Variants in SLCO2A1 observed in about 807,000 individuals in gnomAD.
The protein encoded by SLCO2A1 is solute carrier organic anion transporter family member 2A1.
Under a neutral mutation model 71.7 loss-of-function variants are expected in SLCO2A1, and 60 were observed. The observed-to-expected ratio is 0.84, with a 90% CI of 0.68 to 1.04. SLCO2A1 has a LOEUF of 1.04. Ranked by LOEUF, SLCO2A1 falls within the 50% of genes least tolerant of loss-of-function variation. SLCO2A1 has a pLI of 0.00. For missense variants in SLCO2A1, 745 were observed against 813.4 expected (o/e 0.92, Z 1.02); for synonymous variants, 308 against 326.7 (o/e 0.94, Z 0.62).
At chr3:133,998,530 C>G (rs1054482111) in intron 1 of SLCO2A1, 1 of 152,358 alleles carries the variant, frequency 6.6e-6, no homozygotes, top group Non-Finnish European at 1.5e-5. Context: ...AGGGTTCTGA[C>G]TGTTCATGTC....
intron 12 of SLCO2A1, among the ~76,000 whole-genome samples, chr3:133,937,454 G>A (rs1933295599): frequency 6.6e-6 from 1 of 152,208 alleles, no homozygotes; most frequent in African/African-American, 2.4e-5. Context: ...GCCTGGGACT[G>A]GATTGGGCTC....
At chr3:133,963,154 C>A (rs115938541) in intron 3 of SLCO2A1, among the ~76,000 whole-genome samples, 2,660 of 152,274 alleles carry the variant, frequency 0.017, 26 homozygotes, top group Middle Eastern at 0.054. Context: ...ACTCACTCCA[C>A]CATTTAAATA....
chr3:133,945,556 C>A (rs1460542266), intron 9 of SLCO2A1, among the ~76,000 whole-genome samples: 4 of 152,194 alleles, frequency 2.6e-5, no homozygotes, highest in Admixed American at 6.5e-5. Flanking sequence ...TCAAGACAAC[C>A]AACCACCCAG....
At chr3:133,975,907 C>G (rs1215997194) in intron 2 of SLCO2A1, among the ~76,000 whole-genome samples, 1 of 152,222 alleles carries the variant, frequency 6.6e-6, no homozygotes, top group Non-Finnish European at 1.5e-5. Context: ...GACTCTCTCT[C>G]TTCATTGCAC....
intron 1 of SLCO2A1, among the ~76,000 whole-genome samples, chr3:134,002,817 C>A (rs1437321230): frequency 6.6e-6 from 1 of 152,216 alleles, no homozygotes; most frequent in Non-Finnish European, 1.5e-5. Flanking sequence ...TAACCTAAAT[C>A]TTTCCTTGTT....
chr3:133,944,891 G>C (rs1417387206), intron 10 of SLCO2A1, among the ~76,000 whole-genome samples: 1 of 152,256 alleles, frequency 6.6e-6, no homozygotes, highest in Admixed American at 6.5e-5. Flanking sequence ...TTAATTGACT[G>C]TGGGCTGTCA....
intron 3 of SLCO2A1, among the ~76,000 whole-genome samples, chr3:133,960,664 T>C (rs182792206): frequency 6.6e-6 from 1 of 152,250 alleles, no homozygotes; most frequent in Admixed American, 6.5e-5. Context: ...CGTACCTTAA[T>C]GCCACTGAAC....
Position 134,002,892 on chromosome 3 carries a change from C to G in SLCO2A1, c.97-23274G>C, listed in dbSNP as rs183874544. On this transcript the variant is annotated intron_variant, in intron 1 of 13. Transcript: ENST00000310926. Reference sequence around the variant, plus strand: ...AAATCTATTGCATAAAACAGCGCAGCTAAAAAAAAAAGTCTTTCTCTGGGG... The same window carrying G: ...AAATCTATTGCATAAAACAGCGCAGGTAAAAAAAAAAGTCTTTCTCTGGGG... Among the ~76,000 whole-genome samples the G allele has an allele frequency of 1.5e-3, 230 of 151,938 alleles. 2 individuals carry two copies. The highest frequency in any genetic ancestry group is 7.7e-4 in the Non-Finnish European group (52 of 67,904).
intron 3 of SLCO2A1, among the ~76,000 whole-genome samples, chr3:133,966,494 G>C (rs57983185): frequency 6.6e-6 from 1 of 152,196 alleles, no homozygotes; most frequent in Non-Finnish European, 1.5e-5. Flanking sequence ...CCCAGGCCAA[G>C]AAGAGGCCAG....
chr3:134,018,039 A>C (rs1935496895), intron 1 of SLCO2A1, among the ~76,000 whole-genome samples: 1 of 152,198 alleles, frequency 6.6e-6, no homozygotes, highest in African/African-American at 2.4e-5. Flanking sequence ...ACCAGAAGAC[A>C]AACTGAAAGC....
chr3:133,999,365 T>C (rs1019814020), intron 1 of SLCO2A1, among the ~76,000 whole-genome samples: 1 of 152,188 alleles, frequency 6.6e-6, no homozygotes, highest in Non-Finnish European at 1.5e-5. Context: ...TGTGTGAGTA[T>C]GGGTGGGTGT....
chr3:133,998,236 T>C (rs1935020867), intron 1 of SLCO2A1, among the ~76,000 whole-genome samples: 1 of 152,230 alleles, frequency 6.6e-6, no homozygotes, highest in African/African-American at 2.4e-5. Flanking sequence ...TGCTTATCCT[T>C]TTCTGGCTCT....
At chr3:133,979,106 C>G (rs1055684213) in intron 2 of SLCO2A1, among the ~76,000 whole-genome samples, 7 of 152,218 alleles carry the variant, frequency 4.6e-5, no homozygotes, top group Admixed American at 3.3e-4. Context: ...TTGCACAGAA[C>G]TAAATTAGAA....
At chr3:133,981,852 G>A (rs1559945120) in intron 1 of SLCO2A1, among the ~76,000 whole-genome samples, 1 of 152,074 alleles carries the variant, frequency 6.6e-6, no homozygotes, top group Non-Finnish European at 1.5e-5. Flanking sequence ...GCACATGCCT[G>A]TAATCCCAGC....
In SLCO2A1 at chr3:133,935,868, G is replaced by C. The variant is rs897770458; in HGVS notation, c.1720C>G (p.Leu574Val). 1 of 1,607,552 alleles carries C rather than the reference G, an allele frequency of 6.2e-7. No individual in the cohort carries two copies. The highest frequency in any genetic ancestry group is 8.5e-7 in the Non-Finnish European group (1 of 1,176,352). ...CGGATGCAGGAGTGGTCAATGGTGA[G>C]GCCATAGAGGGCTGGAGATGGCAGC... ...AWLPSPALYGLTIDHSCIRWN... is the reference protein window; with the variant it reads ...AWLPSPALYGVTIDHSCIRWN... Residue 574 changes from leucine (L) to valine (V), a missense_variant, in exon 13 of 14, where the codon CTC (leucine) becomes GTC (valine). Transcript: ENST00000310926.
At chr3:134,025,080 G>C (rs1343463153) in intron 1 of SLCO2A1, among the ~76,000 whole-genome samples, 1 of 152,102 alleles carries the variant, frequency 6.6e-6, no homozygotes, top group African/African-American at 2.4e-5. Flanking sequence ...CCCGGAAGCT[G>C]ACTGGTCCAT....
At chr3:133,945,038 G>A (rs867405788) in intron 10 of SLCO2A1, 57 bp downstream of exon 10, 218 of 1,555,052 alleles carry the variant, frequency 1.4e-4, no homozygotes, top group Middle Eastern at 1.9e-4. Context: ...GAGGGCATGC[G>A]CTGAGCTCCG....
At chr3:133,950,457 C>A (rs978239757) in intron 6 of SLCO2A1, among the ~76,000 whole-genome samples, 1 of 152,142 alleles carries the variant, frequency 6.6e-6, no homozygotes, top group African/African-American at 2.4e-5. Flanking sequence ...CCTGTCCCAG[C>A]TCTCCGACAA....
intron 3 of SLCO2A1, 85 bp from the exon 4 acceptor site, chr3:133,955,278 C>T: frequency 8.0e-7 from 1 of 1,253,948 alleles, no homozygotes; most frequent in Non-Finnish European, 1.1e-6. Flanking sequence ...TTCTCCCAGG[C>T]CCCTTGGGGA....
Sources: allele counts gnomAD v4.1 joint callset (sites outside exome capture counted in the v4.1 genomes callset), GRCh38; gene constraint gnomAD v4.1.1; transcripts MANE v1.5; gene names NCBI Gene and HGNC (gene_info 2026-07-23, HGNC 2026-07-21).